Variants in TPTE2 observed in about 807,000 individuals in gnomAD.
The protein encoded by TPTE2 is phosphatidylinositol 3,4,5-trisphosphate 3-phosphatase TPTE2.
Under a neutral mutation model 78.6 loss-of-function variants are expected in TPTE2, and 53 were observed. The ratio of observed to expected loss-of-function variants is 0.67; its 90% CI spans 0.54 to 0.85. TPTE2 has a LOEUF of 0.85. TPTE2 is among the 40% of genes least tolerant of loss of function. The pLI is 0.00. For synonymous variants in TPTE2, 175 were observed against 206.2 expected (o/e 0.85, Z 1.30); for missense variants, 461 against 623.0 (o/e 0.74, Z 2.77).
chr13:19,443,078 T>C (rs1355791750), intron 13 of TPTE2, among the ~76,000 whole-genome samples: 1 of 151,844 alleles, frequency 6.6e-6, no homozygotes, highest in Non-Finnish European at 1.5e-5. Flanking sequence ...GAAAGGAAAA[T>C]TATAACCAAT....
the TPTE2 span, among the ~76,000 whole-genome samples, chr13:19,545,598 T>G: frequency 2.0e-5 from 3 of 152,258 alleles, no homozygotes; most frequent in Admixed American, 2.0e-4. Flanking sequence ...GAGCTCTCAT[T>G]GGAGAAACTC....
intron 1 of TPTE2, among the ~76,000 whole-genome samples, chr13:19,511,632 A>G (rs1364117653): frequency 6.6e-6 from 1 of 152,158 alleles, no homozygotes; most frequent in Admixed American, 6.5e-5. Flanking sequence ...TCAAAAAGTG[A>G]TGGGAACATG....
rs559143693 is a variant in TPTE2, at chr13:19,464,355, A to G, written c.741+101T>C. The G allele has an allele frequency of 1.4e-5, 17 of 1,208,860 alleles. No homozygotes were observed. The African/African-American group carries it at 2.3e-4, about 16-fold the overall frequency. The allele number at this position is 1,208,860 out of a possible 1,614,324, so 74.9% of individuals were successfully genotyped here. A position where few individuals can be genotyped will look rare whatever the true frequency, so the allele number is the denominator to read the frequency against. On this transcript the variant is annotated intron_variant, in intron 10 of 19. Transcript: ENST00000400230. ...ATGATTTTTTTACTTGAAAGAGTACATTTTTAAAAGAATACTGCCATATCT... is the reference window on the plus strand; with the variant it reads ...ATGATTTTTTTACTTGAAAGAGTACGTTTTTAAAAGAATACTGCCATATCT...
chr13:19,503,634 T>C (rs1868777163), upstream of TPTE2, among the ~76,000 whole-genome samples: 1 of 152,188 alleles, frequency 6.6e-6, no homozygotes, highest in Non-Finnish European at 1.5e-5. Flanking sequence ...TTGAAAGCCC[T>C]CCATTACTTC....
At chr13:19,493,537 A>T in intron 1 of TPTE2, 36 bp from the exon 5 acceptor site, 2 of 1,598,928 alleles carry the variant, frequency 1.3e-6, no homozygotes, top group South Asian at 2.2e-5. Context: ...CAGAGAGGAG[A>T]CATAATTCTG....
chr13:19,425,093 T>C (rs1249304483), intron 18 of TPTE2, 76 bp from the exon 22 acceptor site: 1 of 684,748 alleles, frequency 1.5e-6, no homozygotes, highest in East Asian at 3.0e-5. Context: ...GTTCCTTTCT[T>C]TATTCCTTTA....
At chr13:19,436,675 A>G (rs2137492309) in intron 14 of TPTE2, among the ~76,000 whole-genome samples, 1 of 152,294 alleles carries the variant, frequency 6.6e-6, no homozygotes, top group East Asian at 1.9e-4. Context: ...TCAGCCTCCC[A>G]AAGTGCTGGG....
At chr13:19,533,397 T>C (rs147813826) in intron 1 of TPTE2, among the ~76,000 whole-genome samples, 109 of 152,348 alleles carry the variant, frequency 7.2e-4, no homozygotes, top group Non-Finnish European at 1.4e-3. Context: ...AAAATGACTT[T>C]AAAGATATTG....
the TPTE2 span, among the ~76,000 whole-genome samples, chr13:19,544,060 C>CAAAAAAAAAAAAAAAAAAAA: frequency 2.5e-4 from 8 of 31,982 alleles, 1 homozygote; most frequent in Admixed American, 6.6e-4. Flanking sequence ...GAACCTGTCT[C>CAAAAAAAAAAAAAAAAAAAA]AAAAAAAAAA....
At chr13:19,511,173 G>A (rs1422803409) in intron 1 of TPTE2, among the ~76,000 whole-genome samples, 6 of 152,154 alleles carry the variant, frequency 3.9e-5, no homozygotes, top group South Asian at 2.1e-4. Context: ...ATAATTTGGC[G>A]GCAGTCTTTG....
the TPTE2 span, chr13:19,560,582 C>G: frequency 6.2e-7 from 1 of 1,601,188 alleles, no homozygotes; most frequent in Non-Finnish European, 8.5e-7. Flanking sequence ...ACCACGATCT[C>G]TCGGTCAAAG....
chr13:19,494,438 G>C (rs1291602159), intron 1 of TPTE2, among the ~76,000 whole-genome samples: 2 of 151,276 alleles, frequency 1.3e-5, no homozygotes, highest in African/African-American at 4.9e-5. Flanking sequence ...ACAAAGTTTC[G>C]CTCCTGCTGC....
intron 4 of TPTE2, among the ~76,000 whole-genome samples, chr13:19,476,280 T>C (rs1487082121): frequency 1.3e-5 from 2 of 151,840 alleles, no homozygotes; most frequent in African/African-American, 2.4e-5. Flanking sequence ...TTTTACCTTA[T>C]GGCTGGAGAC....
the TPTE2 span, among the ~76,000 whole-genome samples, chr13:19,546,101 G>A: frequency 6.6e-6 from 1 of 152,162 alleles, no homozygotes; most frequent in Non-Finnish European, 1.5e-5. Context: ...GCTGGGGGCA[G>A]GAGGATCAAT....
intron 17 of TPTE2, among the ~76,000 whole-genome samples, chr13:19,429,753 G>T (rs2137468478): frequency 6.6e-6 from 1 of 152,256 alleles, no homozygotes; most frequent in East Asian, 1.9e-4. Flanking sequence ...ACAAAGGCCT[G>T]GGTAGGAATT....
the TPTE2 span, among the ~76,000 whole-genome samples, chr13:19,551,471 T>C: frequency 6.6e-6 from 1 of 151,960 alleles, no homozygotes; most frequent in African/African-American, 2.4e-5. Flanking sequence ...ACGCCTGTGA[T>C]CCCAGCTACT....
upstream of TPTE2, among the ~76,000 whole-genome samples, chr13:19,503,873 T>C (rs1462440020): frequency 6.6e-6 from 1 of 152,174 alleles, no homozygotes; most frequent in African/African-American, 2.4e-5. Context: ...CCTGAGTACC[T>C]GGGACTACAG....
intron 1 of TPTE2, among the ~76,000 whole-genome samples, chr13:19,516,141 C>A (rs1775979029): frequency 6.6e-6 from 1 of 152,204 alleles, no homozygotes; most frequent in Non-Finnish European, 1.5e-5. Context: ...TAGATAGGAG[C>A]AACCACAGAA....
At chr13:19,554,132 T>C in the TPTE2 span, among the ~76,000 whole-genome samples, 2 of 152,202 alleles carry the variant, frequency 1.3e-5, no homozygotes, top group South Asian at 4.1e-4. Context: ...TCCCAGGACT[T>C]TGGGAGGCTG....
Sources: gnomAD v4.1 joint callset for allele counts (sites outside exome capture counted in the v4.1 genomes callset) on GRCh38, gnomAD v4.1.1 for gene constraint, MANE v1.5 for transcripts, NCBI Gene and HGNC (gene_info 2026-07-23, HGNC 2026-07-21) for gene names.